GNPTAB: variants seen among roughly 807,000 people sequenced by gnomAD.
GNPTAB encodes the protein N-acetylglucosamine-1-phosphotransferase subunits alpha/beta.
A neutral mutation model predicts 136.6 loss-of-function variants in GNPTAB; 92 were observed. That is an observed-to-expected ratio of 0.67 (90% CI 0.57 to 0.80). GNPTAB has a LOEUF of 0.80. Among genes scored for constraint, GNPTAB ranks in the 30% least tolerant of loss-of-function variants. The pLI is 0.00. For missense variants in GNPTAB, 1,343 were observed against 1,501.8 expected, an observed-to-expected ratio of 0.89 and a Z score of 1.75; for synonymous variants, 512 against 535.1, an observed-to-expected ratio of 0.96 and a Z score of 0.60.
intron 1 of GNPTAB, among the ~76,000 whole-genome samples, chr12:101,805,058 T>C (rs1046075333): frequency 1.3e-5 from 2 of 150,782 alleles, no homozygotes; most frequent in Admixed American, 6.6e-5. Flanking sequence ...ATGATGCAAA[T>C]AATTAAAATA....
At chr12:101,767,973 CAAT>C (rs776756303) in intron 11 of GNPTAB, 61 bp downstream of exon 11, 7 of 1,526,810 alleles carry the variant, frequency 4.6e-6, no homozygotes, top group South Asian at 1.1e-5. Flanking sequence ...AGCACATGTT[CAAT>C]AATGATTAAG....
intron 15 of GNPTAB, among the ~76,000 whole-genome samples, chr12:101,760,543 C>T (rs1436066952): frequency 6.6e-6 from 1 of 152,072 alleles, no homozygotes; most frequent in Non-Finnish European, 1.5e-5. Context: ...GAATATACCA[C>T]AAGAATCTCA....
rs1188767497 is a variant in GNPTAB at position 101,770,481 on chromosome 12, A to G, written c.1038T>C (p.Ile346=). ...GAATCTGCCCGTTGGTGACAATGAA[A>G]ATATTCCGAACCCATGGTGCATGCC... is the stretch of plus-strand genomic sequence containing the variant. ...IERHAPWVRN[I]FIVTNGQIPS... is the part of the protein sequence containing the mutation. The change falls in exon 9 of 21, where the codon ATT becomes ATC. Residue 346 remains isoleucine (I), a synonymous_variant. Coordinates refer to ENST00000299314, the MANE Select transcript of GNPTAB (RefSeq NM_024312.5). 1.9e-6 allele frequency: 3 copies of G among 1,613,898 alleles called. No individual in the cohort carries two copies. The South Asian group carries it at 3.3e-5, about 18-fold the overall frequency.
chr12:101,812,197 T>C (rs770316377), intron 1 of GNPTAB, among the ~76,000 whole-genome samples: 5 of 152,094 alleles, frequency 3.3e-5, no homozygotes, highest in Admixed American at 6.5e-5. Flanking sequence ...TGCAGTGATC[T>C]GACATTACAC....
intron 11 of GNPTAB, among the ~76,000 whole-genome samples, chr12:101,766,916 C>T (rs994319182): frequency 2.6e-5 from 4 of 152,162 alleles, no homozygotes; most frequent in African/African-American, 9.7e-5. Context: ...AGAGATTATT[C>T]CAAAGACTGT....
chr12:101,775,895 T>A (rs371154810), intron 7 of GNPTAB, among the ~76,000 whole-genome samples: 78 of 152,152 alleles, frequency 5.1e-4, no homozygotes, highest in African/African-American at 1.8e-3. Context: ...GGGGGCAGAG[T>A]CCATGCAGGA....
chr12:101,793,836 A>G (rs1168183252), intron 2 of GNPTAB, among the ~76,000 whole-genome samples: 2 of 152,040 alleles, frequency 1.3e-5, no homozygotes, highest in Non-Finnish European at 1.5e-5. Flanking sequence ...TTACTTATTT[A>G]TTTATTTATT....
intron 1 of GNPTAB, 107 bp downstream of exon 1, chr12:101,830,452 C>T (rs747290990): frequency 3.3e-4 from 227 of 696,742 alleles, no homozygotes; most frequent in Non-Finnish European, 5.2e-4. Context: ...TGGCAAAACC[C>T]CGTCTCTAAT....
chr12:101,759,300 T>C (rs1183702403), intron 16 of GNPTAB, among the ~76,000 whole-genome samples: 3 of 149,154 alleles, frequency 2.0e-5, no homozygotes, highest in Admixed American at 1.3e-4. Flanking sequence ...AAGGCGGAGC[T>C]TGCAGTGAGC....
At chr12:101,778,375 T>TGGTC (rs1361940393) in intron 7 of GNPTAB, 3 of 152,204 alleles carry the variant, frequency 2.0e-5, no homozygotes, top group Non-Finnish European at 4.4e-5. Context: ...GTTGAACTGG[T>TGGTC]GGTCAAAAGT....
intron 16 of GNPTAB, among the ~76,000 whole-genome samples, chr12:101,758,062 G>A (rs1352513441): frequency 1.1e-4 from 16 of 146,366 alleles, no homozygotes; most frequent in Non-Finnish European, 2.1e-4. Flanking sequence ...TTTTTGAGAC[G>A]GAGTCTCACT....
At chr12:101,782,582 C>G (rs1395894990) in intron 5 of GNPTAB, among the ~76,000 whole-genome samples, 3 of 152,142 alleles carry the variant, frequency 2.0e-5, no homozygotes, top group Non-Finnish European at 2.9e-5. Flanking sequence ...ACTTTTGCCC[C>G]TCCTCAGTCT....
chr12:101,759,678 T>C (rs1224098233), intron 16 of GNPTAB, among the ~76,000 whole-genome samples: 2 of 152,226 alleles, frequency 1.3e-5, no homozygotes, highest in Admixed American at 6.5e-5. Flanking sequence ...AATTCAGCTT[T>C]GATGAACGAT....
intron 1 of GNPTAB, among the ~76,000 whole-genome samples, chr12:101,809,981 GT>G (rs1182883774): frequency 6.6e-6 from 1 of 152,272 alleles, no homozygotes; most frequent in African/African-American, 2.4e-5. Context: ...GACCCAAGGT[GT>G]TTTTAGGGGA....
intron 5 of GNPTAB, chr12:101,785,714 T>C (rs1868604469): frequency 5.7e-6 from 2 of 349,752 alleles, no homozygotes; most frequent in Admixed American, 4.4e-5. Flanking sequence ...AGTTATATAG[T>C]AGAAAAATTG....
chr12:101,763,505 C>T (rs1953033395), intron 13 of GNPTAB, among the ~76,000 whole-genome samples: 1 of 152,094 alleles, frequency 6.6e-6, no homozygotes, highest in South Asian at 2.1e-4. Context: ...CCACAGGGCA[C>T]TTCCTTCTGT....
In GNPTAB at chr12:101,780,297, G is replaced by A; in HGVS notation, c.637-11C>T. 6.2e-7 allele frequency: 1 copy of A among 1,613,606 alleles called. No individual in the cohort carries two copies. The highest frequency in any genetic ancestry group is 8.5e-7 in the Non-Finnish European group (1 of 1,179,702). On this transcript the variant is annotated splice_polypyrimidine_tract_variant and intron_variant, in intron 6 of 20. Coordinates refer to ENST00000299314, the MANE Select transcript of GNPTAB (RefSeq NM_024312.5). ...TTCTTTATCTGTTGTCTAAAATAAG[G>A]GGAAAAACATAACTCATTTTCCACA...
intron 11 of GNPTAB, 139 bp downstream of exon 11, chr12:101,767,898 T>G: frequency 2.5e-5 from 25 of 982,778 alleles, no homozygotes; most frequent in Non-Finnish European, 3.6e-5. Flanking sequence ...ATTATAAGCA[T>G]GAGCCACCAT....
At chr12:101,814,371 C>T (rs1379697816) in intron 1 of GNPTAB, among the ~76,000 whole-genome samples, 4 of 151,904 alleles carry the variant, frequency 2.6e-5, no homozygotes, top group Non-Finnish European at 4.4e-5. Context: ...TTCATATCTA[C>T]TGTATTAAAA....
Sources: allele counts gnomAD v4.1 joint callset (sites outside exome capture counted in the v4.1 genomes callset), GRCh38; gene constraint gnomAD v4.1.1; transcripts MANE v1.5; gene names NCBI Gene and HGNC (gene_info 2026-07-23, HGNC 2026-07-21).